The following PLSCR2 variants were observed in gnomAD, a reference collection of about 807,000 sequenced individuals.
PLSCR2 encodes the protein phospholipid scramblase 2.
A neutral mutation model predicts 25.3 loss-of-function variants in PLSCR2; 18 were observed. That is an observed-to-expected ratio of 0.71 (90% CI 0.49 to 1.06). The LOEUF (loss-of-function observed/expected upper bound fraction) is 1.06. Ranked by LOEUF, PLSCR2 falls within the 50% of genes least tolerant of loss-of-function variation. PLSCR2 has a pLI of 0.00. For synonymous variants in PLSCR2, 88 were observed against 87.3 expected (o/e 1.01, Z -0.04); for missense variants, 243 against 269.5 (o/e 0.90, Z 0.69).
chr3:146,481,096 G>A (rs2043113966), intron 1 of PLSCR2, among the ~76,000 whole-genome samples: 1 of 151,720 alleles, frequency 6.6e-6, no homozygotes. Context: ...AATAATAAGA[G>A]CTATTTTGGA....
chr3:146,449,426 T>C, intron 5 of PLSCR2, 59 bp from the exon 6 acceptor site: 1 of 1,161,344 alleles, frequency 8.6e-7, no homozygotes, highest in Non-Finnish European at 1.2e-6. Context: ...GCAAAATTAC[T>C]TTTAACACTG....
chr3:146,462,378 C>T (rs538738902), upstream of PLSCR2, among the ~76,000 whole-genome samples: 2 of 152,116 alleles, frequency 1.3e-5, no homozygotes, highest in South Asian at 2.1e-4. Context: ...AGGCATAAAC[C>T]GCTGCATGTG....
intron 2 of PLSCR2, among the ~76,000 whole-genome samples, chr3:146,399,149 C>T (rs896676433): frequency 6.6e-6 from 1 of 151,806 alleles, no homozygotes; most frequent in African/African-American, 2.4e-5. Flanking sequence ...TTTTAAATTG[C>T]CATGCCCATG....
rs747086420 is a variant in PLSCR2, at chr3:146,458,460, T to C, written c.58-7A>G. On this transcript the variant is annotated splice_polypyrimidine_tract_variant and splice_region_variant and intron_variant, in intron 2 of 6. Transcript: ENST00000610787. ...GAATTAGTATCATATCTATCTATTA[T>C]AGTAAAAAGAAAATGAAGTTGTATG... 6 of 1,439,914 alleles carry C rather than the reference T, an allele frequency of 4.2e-6. No individual in the cohort carries two copies. The East Asian group carries it at 7.5e-5, about 18-fold the overall frequency. 89.2% of individuals were successfully genotyped at this position (1,439,914 alleles called of 1,614,324 possible).
intron 1 of PLSCR2, among the ~76,000 whole-genome samples, chr3:146,478,851 C>T (rs1466486118): frequency 2.0e-5 from 3 of 152,156 alleles, no homozygotes; most frequent in Admixed American, 6.6e-5. Flanking sequence ...AGACAAAGGT[C>T]GGGTTACCCA....
At chr3:146,436,620 A>AT (rs2039877013) in intron 8 of PLSCR2, among the ~76,000 whole-genome samples, 1 of 152,094 alleles carries the variant, frequency 6.6e-6, no homozygotes, top group Non-Finnish European at 1.5e-5. Context: ...TTGCACATTG[A>AT]TTTTGTATCC....
At chr3:146,466,433 C>T (rs57279020) in intron 1 of PLSCR2, among the ~76,000 whole-genome samples, 14,193 of 152,118 alleles carry the variant, frequency 0.093, 905 homozygotes, top group African/African-American at 0.18. Flanking sequence ...CCTCCCAAAG[C>T]GCTGGGATTA....
chr3:146,415,889 T>C (rs936322488), intron 2 of PLSCR2, among the ~76,000 whole-genome samples: 2 of 152,208 alleles, frequency 1.3e-5, no homozygotes, highest in Non-Finnish European at 2.9e-5. Context: ...TCAAGGTTAA[T>C]GTAAGTTATA....
chr3:146,391,431 TA>T, exon 4 of PLSCR2: 1 of 152,676 alleles, frequency 6.5e-6, no homozygotes, highest in Non-Finnish European at 1.5e-5. Context: ...TTTAGTAAAA[TA>T]AAACTTTATT....
intron 2 of PLSCR2, among the ~76,000 whole-genome samples, chr3:146,415,574 T>G (rs1404402113): frequency 6.6e-6 from 1 of 152,150 alleles, no homozygotes; most frequent in Non-Finnish European, 1.5e-5. Context: ...TCATAATTTA[T>G]GACAAGTTTA....
At chr3:146,439,731 G>A (rs1465345462), downstream of PLSCR2, among the ~76,000 whole-genome samples, 2 of 152,032 alleles carry the variant, frequency 1.3e-5, no homozygotes, top group African/African-American at 4.8e-5. Flanking sequence ...CCTTTAGCTC[G>A]GAGTTTGTTA....
downstream of PLSCR2, among the ~76,000 whole-genome samples, chr3:146,438,909 G>T (rs1197839710): frequency 2.0e-5 from 3 of 152,140 alleles, no homozygotes; most frequent in African/African-American, 4.8e-5. Context: ...GCAGTGGCTG[G>T]TACCGGTTGT....
In PLSCR2 at chr3:146,397,222, T is replaced by C. The variant is rs551625114; in HGVS notation, c.101-1301A>G. On this transcript the variant is annotated intron_variant and NMD_transcript_variant, in intron 2 of 3. Coordinates refer to the PLSCR2 transcript ENST00000463633. ...TGCCTTCATCCAGCCAGAAACAGGATTAGGGTATTGCAGAAATATAAGTAA... is the reference window on the plus strand; with the variant it reads ...TGCCTTCATCCAGCCAGAAACAGGACTAGGGTATTGCAGAAATATAAGTAA... Among the ~76,000 whole-genome samples the C allele has an allele frequency of 9.9e-5, 15 of 152,240 alleles. No individual in the cohort carries two copies. In the East Asian group the frequency reaches 2.7e-3, roughly 27 times the overall value.
downstream of PLSCR2, among the ~76,000 whole-genome samples, chr3:146,430,896 T>C (rs1438892344): frequency 6.6e-6 from 1 of 151,736 alleles, no homozygotes; most frequent in Non-Finnish European, 1.5e-5. Context: ...CACAGCTCCA[T>C]CCCCCAGCCA....
chr3:146,454,811 T>A (rs115947295), intron 4 of PLSCR2, among the ~76,000 whole-genome samples: 2,607 of 152,276 alleles, frequency 0.017, 74 homozygotes, highest in African/African-American at 0.06. Flanking sequence ...GTTTGTCCCT[T>A]ACTAGGTTGG....
upstream of PLSCR2, among the ~76,000 whole-genome samples, chr3:146,462,353 A>G (rs2041630618): frequency 6.6e-6 from 1 of 151,654 alleles, no homozygotes; most frequent in Non-Finnish European, 1.5e-5. Context: ...CGCCCTCCCA[A>G]AGTCTTGGGA....
intron 1 of PLSCR2, among the ~76,000 whole-genome samples, chr3:146,476,091 G>A (rs772431451): frequency 1.3e-5 from 2 of 151,970 alleles, no homozygotes; most frequent in African/African-American, 2.4e-5. Flanking sequence ...GGGGGCGCCG[G>A]GGGGTGCACT....
Position 146,453,927 on chromosome 3 carries a change from G to A in PLSCR2, c.483+75C>T. On this transcript the variant is annotated intron_variant, in intron 5 of 6. Transcript: ENST00000610787. ...CATCAGTACACAATACTAATTTAAG[G>A]CATTCATAATATTCTGCAAAATTAT... The A allele has an allele frequency of 2.6e-6, 3 of 1,158,176 alleles. No homozygotes were observed. In the South Asian group the frequency reaches 5.2e-5, roughly 20 times the overall value. 71.7% of individuals were successfully genotyped at this position (1,158,176 alleles called of 1,614,324 possible).
intron 2 of PLSCR2, among the ~76,000 whole-genome samples, chr3:146,396,492 T>C (rs6806369): frequency 0.53 from 79,903 of 151,974 alleles, 21,282 homozygotes; most frequent in South Asian, 0.71. Flanking sequence ...GGTGCTATCA[T>C]GTAGTACAAC....
Sources: gnomAD v4.1 joint callset for allele counts (sites outside exome capture counted in the v4.1 genomes callset) on GRCh38, gnomAD v4.1.1 for gene constraint, MANE v1.5 for transcripts, NCBI Gene and HGNC (gene_info 2026-07-23, HGNC 2026-07-21) for gene names.